GAK: variants seen among roughly 807,000 people sequenced by gnomAD.
GAK encodes cyclin-G-associated kinase.
A neutral mutation model predicts 143.9 loss-of-function variants in GAK; 79 were observed. The observed-to-expected ratio is 0.55, with a 90% confidence interval of 0.46 to 0.66. The LOEUF is 0.66. GAK is among the 30% of genes least tolerant of loss of function. The pLI is 0.00. For synonymous variants in GAK, 881 were observed against 765.5 expected, an observed-to-expected ratio of 1.15 and a Z score of -2.49; for missense variants, 1,693 against 1,779.7, an observed-to-expected ratio of 0.95 and a Z score of 0.88.
chr4:920,995 A>C (rs1723841589), intron 1 of GAK, among the ~76,000 whole-genome samples: 1 of 152,260 alleles, frequency 6.6e-6, no homozygotes, highest in Admixed American at 6.5e-5. Context: ...TACACAGCTA[A>C]ATTAATCAAG....
At chr4:900,160 C>G (rs527333523) in intron 5 of GAK, among the ~76,000 whole-genome samples, 31 of 152,304 alleles carry the variant, frequency 2.0e-4, no homozygotes, top group African/African-American at 7.2e-4. Flanking sequence ...CCAACAGAGA[C>G]GAAGCTGTGC....
intron 4 of GAK, among the ~76,000 whole-genome samples, chr4:907,069 C>T (rs1377931675): frequency 1.3e-5 from 2 of 152,366 alleles, no homozygotes; most frequent in African/African-American, 2.4e-5. Context: ...ACTGAGCCCC[C>T]GATGCCTGCA....
At position 849,437 on chromosome 4, in the gene GAK, G is replaced by A. The variant is rs1414369285; in HGVS notation, c.*236C>T. 8 of 560,800 alleles carry A rather than the reference G, an allele frequency of 1.4e-5. No individual in the cohort carries two copies. The highest frequency in any genetic ancestry group is 9.4e-5 in the African/African-American group (5 of 53,196). 34.7% of individuals were successfully genotyped at this position (560,800 alleles called of 1,614,324 possible). On this transcript the variant is annotated 3_prime_UTR_variant, in exon 28 of 28. Transcript: ENST00000314167. ...CAAATAAATCACAGACGTGACAATT[G>A]CGGGAGGAGCATGAATCAGCTGTTC...
At chr4:925,903 C>G (rs996109463) in intron 1 of GAK, among the ~76,000 whole-genome samples, 3 of 152,198 alleles carry the variant, frequency 2.0e-5, no homozygotes, top group East Asian at 3.8e-4. Flanking sequence ...GGATGCGCAC[C>G]CACACAGACA....
At chr4:915,086 A>G (rs1722895441) in intron 1 of GAK, among the ~76,000 whole-genome samples, 1 of 128,718 alleles carries the variant, frequency 7.8e-6, no homozygotes, top group African/African-American at 3.0e-5. Flanking sequence ...ACGGCCCCAC[A>G]CACACAGCCC....
chr4:865,021 C>T lies in GAK; in HGVS notation c.3166+101G>A, dbSNP rs778197359. ...AGCACGCCCCAGCCCTTCCTTCCTT[C>T]TCTGCGCAGAGAGGGCCCTGTTACA... On this transcript the variant is annotated intron_variant, in intron 23 of 27. Transcript: ENST00000314167. The T allele has an allele frequency of 4.3e-5, 63 of 1,463,422 alleles. 1 individual carries two copies. The highest frequency in any genetic ancestry group is 1.8e-4 in the Middle Eastern group (1 of 5,576). The allele number at this position is 1,463,422 out of a possible 1,614,324, so 90.7% of individuals were successfully genotyped here.
At chr4:893,835 C>T in intron 8 of GAK, 39 bp downstream of exon 8, 1 of 1,534,574 alleles carries the variant, frequency 6.5e-7, no homozygotes, top group South Asian at 1.3e-5. Context: ...GTCTGTGCTC[C>T]AGGGTCCTGC....
chr4:870,668 C>T, intron 19 of GAK, 43 bp downstream of exon 19: 1 of 1,592,652 alleles, frequency 6.3e-7, no homozygotes, highest in Non-Finnish European at 8.6e-7. Flanking sequence ...CACAGAGACA[C>T]TCACCAGAAC....
chr4:889,536 C>T (rs145150127), intron 10 of GAK, among the ~76,000 whole-genome samples: 23 of 152,306 alleles, frequency 1.5e-4, no homozygotes, highest in African/African-American at 5.5e-4. Flanking sequence ...CAGAACCCAG[C>T]AGCTCGAGGA....
intron 11 of GAK, chr4:886,961 T>A (rs1283695525): frequency 6.6e-6 from 1 of 152,470 alleles, no homozygotes; most frequent in African/African-American, 2.4e-5. Context: ...ACACAGGTAA[T>A]GGAACCACAC....
At chr4:920,102 A>T (rs955616495) in intron 1 of GAK, among the ~76,000 whole-genome samples, 1 of 152,130 alleles carries the variant, frequency 6.6e-6, no homozygotes, top group Non-Finnish European at 1.5e-5. Flanking sequence ...ACAAGGTGAG[A>T]TCGAGACCAT....
At chr4:850,133 A>G in intron 26 of GAK, 65 bp from the exon 27 acceptor site, 1 of 1,445,944 alleles carries the variant, frequency 6.9e-7, no homozygotes, top group Non-Finnish European at 9.3e-7. Context: ...TGCACCGCGG[A>G]AACTGAGGCA....
chr4:885,151 C>A (rs1322790877), intron 11 of GAK, among the ~76,000 whole-genome samples: 1 of 152,060 alleles, frequency 6.6e-6, no homozygotes, highest in Non-Finnish European at 1.5e-5. Context: ...ACACAGGATG[C>A]GGGTCTTCCA....
chr4:887,890 C>G (rs1044061595), intron 11 of GAK: 1 of 150,802 alleles, frequency 6.6e-6, no homozygotes, highest in African/African-American at 2.4e-5. Context: ...CATACTCACA[C>G]CAGCATTTAC....
intron 23 of GAK, among the ~76,000 whole-genome samples, chr4:861,255 C>A (rs1750224574): frequency 6.6e-6 from 1 of 152,120 alleles, no homozygotes; most frequent in Non-Finnish European, 1.5e-5. Context: ...CACTTGAAAT[C>A]AAAAGCTAGG....
intron 2 of GAK, 71 bp downstream of exon 2, chr4:913,536 G>T: frequency 8.3e-7 from 1 of 1,202,010 alleles, no homozygotes; most frequent in Non-Finnish European, 1.2e-6. Flanking sequence ...ACGCATCCCT[G>T]AAAAGACTGT....
chr4:888,930 G>T lies in GAK; in HGVS notation c.1122C>A (p.Phe374Leu). 6.2e-7 allele frequency: 1 copy of T among 1,612,448 alleles called. No homozygotes were observed. The highest frequency in any genetic ancestry group is 8.5e-7 in the Non-Finnish European group (1 of 1,179,726). Residue 374 changes from phenylalanine to leucine, a missense_variant, in exon 11 of 28, where the codon TTC becomes TTA. Transcript: ENST00000314167. ...LAEYDQPYGG[F>L]LDILRGGTER... ...CTGTCCCACCCCGCAGAATGTCCAG[G>T]AAGCCGCCATACGGCTGGTCGTACT...
At chr4:897,227 G>C (rs1718976215) in intron 6 of GAK, among the ~76,000 whole-genome samples, 2 of 152,180 alleles carry the variant, frequency 1.3e-5, no homozygotes, top group African/African-American at 4.8e-5. Context: ...GGGGGCAAGT[G>C]GGCTCTGCAG....
chr4:859,658 A>T lies in GAK; in HGVS notation c.3231T>A (p.Ser1077=). The change falls in exon 24 of 28, where the codon TCT becomes TCA. Residue 1077 remains serine (S), a synonymous_variant. Coordinates refer to ENST00000314167, the MANE Select transcript of GAK (RefSeq NM_005255.4). ...GGTCAGCAAATGGGTCCGGGTTCTG[A>T]GACTTGGTCCAGCTGGCCTGAGAGC... ...PCGSQASWTK[S]QNPDPFADLG... 1 of 1,604,032 alleles carries T rather than the reference A, an allele frequency of 6.2e-7. No individual in the cohort carries two copies.
Sources: gnomAD v4.1 joint callset for allele counts (sites outside exome capture counted in the v4.1 genomes callset) on GRCh38, gnomAD v4.1.1 for gene constraint, MANE v1.5 for transcripts, NCBI Gene and HGNC (gene_info 2026-07-23, HGNC 2026-07-21) for gene names.